The following NXPH1 variants were observed in gnomAD, a reference collection of about 807,000 sequenced individuals.
NXPH1 encodes the protein neurexophilin 1, also known as neurexophilin-1.
A neutral mutation model predicts 23.7 loss-of-function variants in NXPH1; 5 were observed. That is an observed-to-expected ratio of 0.21 (90% CI 0.11 to 0.44). The LOEUF (loss-of-function observed/expected upper bound fraction) is 0.44, where lower values mean the gene tolerates loss of function less well. Ranked by LOEUF, NXPH1 falls within the 20% of genes least tolerant of loss-of-function variation. The pLI, the probability that NXPH1 is intolerant of heterozygous loss-of-function variation, is 0.99. For missense variants in NXPH1, 324 were observed against 321.6 expected (o/e 1.01, Z -0.06); for synonymous variants, 144 against 122.2 (o/e 1.18, Z -1.18).
At chr7:8,529,682 A>G (rs1049753060) in intron 2 of NXPH1, among the ~76,000 whole-genome samples, 3 of 152,344 alleles carry the variant, frequency 2.0e-5, no homozygotes, top group South Asian at 2.1e-4. Context: ...AACAAAGATA[A>G]TAATAAAGCT....
At chr7:8,524,399 G>C (rs1584210784) in intron 2 of NXPH1, among the ~76,000 whole-genome samples, 1 of 152,120 alleles carries the variant, frequency 6.6e-6, no homozygotes, top group African/African-American at 2.4e-5. Context: ...GAGTACCTCA[G>C]GTGGGACTTA....
chr7:8,646,047 C>T (rs993255760), intron 2 of NXPH1, among the ~76,000 whole-genome samples: 1 of 152,076 alleles, frequency 6.6e-6, no homozygotes, highest in Non-Finnish European at 1.5e-5. Flanking sequence ...TTTGATTTTG[C>T]TATTAATTAA....
chr7:8,506,918 T>G (rs573305412), intron 2 of NXPH1, among the ~76,000 whole-genome samples: 9 of 152,102 alleles, frequency 5.9e-5, no homozygotes, highest in African/African-American at 1.9e-4. Flanking sequence ...AAGGTTTGGT[T>G]CCAATCCCTG....
intron 2 of NXPH1, among the ~76,000 whole-genome samples, chr7:8,549,379 T>C (rs946587277): frequency 6.6e-6 from 1 of 151,588 alleles, no homozygotes; most frequent in African/African-American, 2.4e-5. Context: ...TATTAACACA[T>C]GCACCACTAC....
intron 2 of NXPH1, among the ~76,000 whole-genome samples, chr7:8,661,598 C>T (rs935921315): frequency 2.6e-5 from 4 of 152,048 alleles, no homozygotes; most frequent in Admixed American, 6.6e-5. Flanking sequence ...TGTCTGTATT[C>T]TCTCCCTTGG....
At chr7:8,700,551 C>T (rs887549286) in intron 2 of NXPH1, among the ~76,000 whole-genome samples, 1 of 152,060 alleles carries the variant, frequency 6.6e-6, no homozygotes, top group Non-Finnish European at 1.5e-5. Flanking sequence ...ATATAAAAAC[C>T]TTAGATGTTG....
intron 2 of NXPH1, among the ~76,000 whole-genome samples, chr7:8,515,901 A>T (rs954222613): frequency 1.3e-5 from 2 of 152,014 alleles, no homozygotes; most frequent in Non-Finnish European, 2.9e-5. Context: ...CTGCTATCTT[A>T]CCTAACTCTA....
chr7:8,436,585 T>G (rs755598839), intron 2 of NXPH1, among the ~76,000 whole-genome samples: 5 of 151,994 alleles, frequency 3.3e-5, no homozygotes, highest in Non-Finnish European at 7.4e-5. Flanking sequence ...TGTGCCATGT[T>G]GAGACAAGGA....
intron 2 of NXPH1, among the ~76,000 whole-genome samples, chr7:8,650,854 C>T (rs1160059646): frequency 6.6e-6 from 1 of 152,086 alleles, no homozygotes; most frequent in African/African-American, 2.4e-5. Context: ...ATTGTATTGA[C>T]TGAGTTCAAT....
At chr7:8,649,312 T>C (rs1458254418) in intron 2 of NXPH1, among the ~76,000 whole-genome samples, 1 of 84,220 alleles carries the variant, frequency 1.2e-5, no homozygotes, top group Admixed American at 1.6e-4. Flanking sequence ...TCTTAAAACG[T>C]ATTTCTTTCC....
At chr7:8,489,848 A>G (rs965316178) in intron 2 of NXPH1, among the ~76,000 whole-genome samples, 1 of 152,120 alleles carries the variant, frequency 6.6e-6, no homozygotes, top group African/African-American at 2.4e-5. Context: ...TGGATGTATC[A>G]GGAGAATTTC....
intron 2 of NXPH1, among the ~76,000 whole-genome samples, chr7:8,464,717 G>A (rs1816751080): frequency 6.6e-6 from 1 of 152,022 alleles, no homozygotes; most frequent in South Asian, 2.1e-4. Flanking sequence ...GAGTTTAGTG[G>A]AGTGAGAGGC....
intron 2 of NXPH1, among the ~76,000 whole-genome samples, chr7:8,469,123 T>C (rs778840114): frequency 1.9e-4 from 29 of 152,046 alleles, no homozygotes; most frequent in Non-Finnish European, 2.6e-4. Context: ...AAAAAGGATG[T>C]CAATTTTCTT....
intron 2 of NXPH1, among the ~76,000 whole-genome samples, chr7:8,530,438 T>C (rs570705916): frequency 2.0e-4 from 31 of 152,320 alleles, no homozygotes; most frequent in African/African-American, 6.5e-4. Context: ...ATGAAGGAGG[T>C]TAGTCTAGAA....
intron 2 of NXPH1, among the ~76,000 whole-genome samples, chr7:8,641,330 G>A (rs1820307676): frequency 6.6e-6 from 1 of 152,146 alleles, no homozygotes; most frequent in African/African-American, 2.4e-5. Flanking sequence ...TGGTGTGCGG[G>A]AGCAAGCTTG....
chr7:8,559,998 C>G (rs564137325), intron 2 of NXPH1, among the ~76,000 whole-genome samples: 2 of 151,728 alleles, frequency 1.3e-5, no homozygotes, highest in South Asian at 4.2e-4. Context: ...AACGGTAGAG[C>G]CATGCATTTG....
intron 2 of NXPH1, among the ~76,000 whole-genome samples, chr7:8,543,669 C>T (rs746264027): frequency 1.2e-4 from 18 of 151,690 alleles, no homozygotes; most frequent in Admixed American, 5.3e-4. Context: ...CTAGTTCACA[C>T]GTAGATGCAC....
chr7:8,644,768 A>G (rs1820369197), intron 2 of NXPH1, among the ~76,000 whole-genome samples: 2 of 152,118 alleles, frequency 1.3e-5, no homozygotes, highest in South Asian at 2.1e-4. Flanking sequence ...ATTGGATCCC[A>G]TTGTGTATTA....
chr7:8,599,545 C>T (rs1819307211), intron 2 of NXPH1, among the ~76,000 whole-genome samples: 1 of 152,102 alleles, frequency 6.6e-6, no homozygotes, highest in South Asian at 2.1e-4. Context: ...TGTCTTTCTG[C>T]ATTTTAATTT....
Sources: allele counts gnomAD v4.1 joint callset (sites outside exome capture counted in the v4.1 genomes callset), GRCh38; gene constraint gnomAD v4.1.1; transcripts MANE v1.5; gene names NCBI Gene and HGNC (gene_info 2026-07-23, HGNC 2026-07-21).